CCNO: variants seen among roughly 807,000 people sequenced by gnomAD.
CCNO encodes the protein cyclin O, also known as cyclin-O.
Under a neutral mutation model 23.9 loss-of-function variants are expected in CCNO, and 24 were observed. That is an observed-to-expected ratio of 1.00 (90% CI 0.73 to 1.41). The LOEUF (loss-of-function observed/expected upper bound fraction) is 1.41. CCNO is among the 40% of genes most tolerant of loss of function. The pLI is 0.00. For missense variants in CCNO, 542 were observed against 476.2 expected (o/e 1.14, Z -1.29); for synonymous variants, 241 against 225.7 (o/e 1.07, Z -0.61).
chr5:55,232,208 A>G (rs963531199), intron 2 of CCNO, among the ~76,000 whole-genome samples, 153 bp downstream of exon 2: 1 of 152,236 alleles, frequency 6.6e-6, no homozygotes, highest in African/African-American at 2.4e-5. Flanking sequence ...AGTTAAGGCT[A>G]AGGGATATAT....
In CCNO at chr5:55,232,454, C is replaced by G; in HGVS notation, c.474G>C (p.Val158=). The change falls in exon 2 of 3, where the codon GTG becomes GTC. Residue 158 remains valine (V), a synonymous_variant. Transcript: ENST00000282572. ...GLSFESLCLT[V]NTLDRFLTTT... Reference sequence around the variant, plus strand: ...TGGTGAGGAAGCGGTCCAGAGTGTTCACCGTCAGGCACAGCGACTCGAAGG... The same window carrying G: ...TGGTGAGGAAGCGGTCCAGAGTGTTGACCGTCAGGCACAGCGACTCGAAGG... 6.2e-7 allele frequency: 1 copy of G among 1,614,032 alleles called. No homozygotes were observed. Among genetic ancestry groups the G allele is most frequent in the Non-Finnish European group, 8.5e-7 (1 of 1,180,036 alleles).
rs1306392531 is a variant in CCNO, at chr5:55,233,409, T to C, written c.115A>G (p.Arg39Gly). 1.2e-6 allele frequency: 2 copies of C among 1,609,334 alleles called. No homozygotes were observed. The highest frequency in any genetic ancestry group is 1.3e-5 in the African/African-American group (1 of 74,966). Reference sequence around the variant, plus strand: ...TTCAGGGGATGCAGCGGCTGCTTCCTCCGGAGGCGCGGACGCCTGCTCTTC... The same window carrying C: ...TTCAGGGGATGCAGCGGCTGCTTCCCCCGGAGGCGCGGACGCCTGCTCTTC... The part of the protein sequence containing the change: ...VKKSRRPRLR[R>G]KQPLHPLNPC... The change falls in exon 1 of 3, where the codon AGG becomes GGG. Residue 39 changes from arginine to glycine, a missense_variant. Arg to Gly is a moderately radical substitution (Grantham distance 125, BLOSUM62 -2). Transcript: ENST00000282572.
In CCNO at chr5:55,232,487, G is replaced by A. The variant is rs1745618255; in HGVS notation, c.441C>T (p.Phe147=). Residue 147 remains phenylalanine, a synonymous_variant, in exon 2 of 3, where the codon TTC becomes TTT. Transcript: ENST00000282572. ...GGCACAGCGACTCGAAGGAGAGGCC[G>A]AATTGGCGGTGCACCGGGATCAGCC... The part of the protein sequence containing the change: ...LSWLIPVHRQ[F]GLSFESLCLT... The A allele has an allele frequency of 6.2e-7, 1 of 1,613,924 alleles. No individual in the cohort carries two copies. Among genetic ancestry groups the A allele is most frequent in the Non-Finnish European group, 8.5e-7 (1 of 1,180,024 alleles).
At position 55,233,314 on chromosome 5, in the gene CCNO, G is replaced by A. The variant is rs373209105; in HGVS notation, c.210C>T (p.Gly70=). The A allele has an allele frequency of 3.4e-5, 54 of 1,598,028 alleles. No homozygotes were observed. The East Asian group carries it at 4.7e-4, about 14-fold the overall frequency. The change falls in exon 1 of 3, where the codon GGC becomes GGT. Residue 70 remains glycine (G), a synonymous_variant. Transcript: ENST00000282572. ...CCCGCGCCGCAGAGGGGCTCTCTGC[G>A]CCGTCTGAGCCGGAGCTGGGGGACT... ...LFESPSSGSD[G]AESPSAARGG...
Position 55,233,393 on chromosome 5 carries a change from T to C in CCNO, c.131A>G (p.His44Arg), listed in dbSNP as rs369888352. Residue 44 changes from histidine to arginine, a missense_variant, in exon 1 of 3, where the codon CAT becomes CGT. Transcript: ENST00000282572. The part of the protein sequence containing the change: ...RPRLRRKQPL[H>R]PLNPCPLPGD... The stretch of plus-strand genomic sequence containing the variant: ...CGGGAGCGGGCACGGGTTCAGGGGA[T>C]GCAGCGGCTGCTTCCTCCGGAGGCG... The C allele has an allele frequency of 2.5e-6, 4 of 1,610,342 alleles. No homozygotes were observed. In the African/African-American group the frequency reaches 5.3e-5, roughly 22 times the overall value.
chr5:55,231,439 G>C lies in CCNO; in HGVS notation c.989C>G (p.Ser330Cys), dbSNP rs750696117. 6.2e-7 allele frequency: 1 copy of C among 1,614,166 alleles called. No individual in the cohort carries two copies. The highest frequency in any genetic ancestry group is 1.1e-5 in the South Asian group (1 of 91,080). ...LQLLVAINST[S>C]LTHMLPVQIC... ...CTGAACGGGCAGCATGTGAGTCAAG[G>C]AAGTACTGTTTATGGCCACCAGCAG... Residue 330 changes from serine to cysteine, a missense_variant, in exon 3 of 3, where the codon TCC (serine) becomes TGC (cysteine). Coordinates refer to ENST00000282572, the MANE Select transcript of CCNO (RefSeq NM_021147.5).
intron 1 of CCNO, 168 bp from the exon 2 acceptor site, chr5:55,232,714 C>T: frequency 1.5e-6 from 1 of 665,878 alleles, no homozygotes; most frequent in Admixed American, 2.7e-5. Context: ...CGTGCTGAGC[C>T]GGAACACCGG....
Position 55,233,414 on chromosome 5 carries a change from A to C in CCNO, c.110T>G (p.Leu37Arg), listed in dbSNP as rs776989014. Residue 37 changes from leucine to arginine, a missense_variant, in exon 1 of 3, where the codon CTC (leucine) becomes CGC (arginine). Leu to Arg is a moderately radical substitution (Grantham distance 102). Transcript: ENST00000282572. Reference protein sequence around the residue: ...APVKKSRRPRLRRKQPLHPLN... With the variant: ...APVKKSRRPRRRRKQPLHPLN... ...GGGATGCAGCGGCTGCTTCCTCCGG[A>C]GGCGCGGACGCCTGCTCTTCTTCAC... 3.1e-6 allele frequency: 5 copies of C among 1,608,664 alleles called. No homozygotes were observed. Among genetic ancestry groups the C allele is most frequent in the Non-Finnish European group, 3.4e-6 (4 of 1,178,354 alleles).
chr5:55,231,635 C>T lies in CCNO; in HGVS notation c.793G>A (p.Val265Met), dbSNP rs748184190. Residue 265 changes from valine (V) to methionine (M), a missense_variant, in exon 3 of 3, where the codon GTG becomes ATG. Val to Met is a conservative substitution (Grantham distance 21). Coordinates refer to ENST00000282572, the MANE Select transcript of CCNO (RefSeq NM_021147.5). ...TAGTCGGCCAGACTCAGCTCTGCCA[C>T]CCCCCGCGCCAGGGCTTGCGCTTCC... is the stretch of plus-strand genomic sequence containing the variant. The part of the protein sequence containing the change: ...ALEAQALARG[V>M]AELSLADYAF... 1 of 1,600,194 alleles carries T rather than the reference C, an allele frequency of 6.2e-7. No homozygotes were observed. Among genetic ancestry groups the T allele is most frequent in the South Asian group, 1.1e-5 (1 of 89,648 alleles).
Position 55,231,219 on chromosome 5 carries a change from T to C in CCNO, c.*156A>G, listed in dbSNP as rs1745560766. ...CCTCATGTGCTCGCTGCAAAATAAA[T>C]AAAATACCAGATGCTAGTATCGTAC... On this transcript the variant is annotated 3_prime_UTR_variant, in exon 3 of 3. Transcript: ENST00000282572. The C allele has an allele frequency of 1.3e-6, 1 of 780,724 alleles. No individual in the cohort carries two copies. 48.4% of individuals were successfully genotyped at this position (780,724 alleles called of 1,614,324 possible).
rs569284647 is a variant in CCNO at position 55,233,591 on chromosome 5, G to C, written c.-68C>G. The stretch of plus-strand genomic sequence containing the variant: ...TGCGGCGGGCAGCAAACGCGCACTC[G>C]AAAGTGCGAAGGAGGCCGGGCTCAG... On this transcript the variant is annotated 5_prime_UTR_variant, in exon 1 of 3. Transcript: ENST00000282572. 2.3e-5 allele frequency: 33 copies of C among 1,420,724 alleles called. No individual in the cohort carries two copies. In the East Asian group the frequency reaches 7.4e-4, roughly 32 times the overall value. 88.0% of individuals were successfully genotyped at this position (1,420,724 alleles called of 1,614,324 possible). A position where few individuals can be genotyped will look rare whatever the true frequency, so the allele number is the denominator to read the frequency against.
At chr5:55,232,269 G>T (rs1347724883) in intron 2 of CCNO, 92 bp downstream of exon 2, 2 of 1,189,698 alleles carry the variant, frequency 1.7e-6, no homozygotes, top group Admixed American at 1.8e-5. Flanking sequence ...GCACTGAATC[G>T]TGCGCGCTGG....
In CCNO at chr5:55,231,350, A is replaced by G. The variant is rs1745564381; in HGVS notation, c.*25T>C. 4 of 1,610,682 alleles carry G rather than the reference A, an allele frequency of 2.5e-6. No individual in the cohort carries two copies. Among genetic ancestry groups the G allele is most frequent in the African/African-American group, 1.3e-5 (1 of 74,878 alleles). The stretch of plus-strand genomic sequence containing the variant: ...GAGAGGTCCAGCAGCCGGGCCAGGG[A>G]CTAAAAGGAAACGAAGGATCTGTTT... On this transcript the variant is annotated 3_prime_UTR_variant, in exon 3 of 3. Coordinates refer to ENST00000282572, the MANE Select transcript of CCNO (RefSeq NM_021147.5).
In CCNO at chr5:55,233,413, G is replaced by A. The variant is rs1745661763; in HGVS notation, c.111C>T (p.Leu37=). ...GGGGATGCAGCGGCTGCTTCCTCCG[G>A]AGGCGCGGACGCCTGCTCTTCTTCA... ...APVKKSRRPR[L]RRKQPLHPLN... The change falls in exon 1 of 3, where the codon CTC becomes CTT. Residue 37 remains leucine (L), a synonymous_variant. Coordinates refer to ENST00000282572, the MANE Select transcript of CCNO (RefSeq NM_021147.5). The A allele has an allele frequency of 1.2e-6, 2 of 1,609,090 alleles. No individual in the cohort carries two copies. The highest frequency in any genetic ancestry group is 1.7e-6 in the Non-Finnish European group (2 of 1,178,508).
chr5:55,231,702 G>A lies in CCNO; in HGVS notation c.726C>T (p.His242=). The change falls in exon 3 of 3, where the codon CAC becomes CAT. Residue 242 remains histidine (H), a synonymous_variant. Transcript: ENST00000282572. ...CAGCCTGCCCCGCCTCCACGCGAGC[G>A]TGCGTGAAATGCTCCAGGAAGAAGC... ...TISFFLEHFT[H]ARVEAGQAEA... The A allele has an allele frequency of 6.3e-7, 1 of 1,578,354 alleles. No homozygotes were observed. Among genetic ancestry groups the A allele is most frequent in the East Asian group, 2.3e-5 (1 of 43,158 alleles).
chr5:55,231,835 T>C lies in CCNO; in HGVS notation c.593A>G (p.Lys198Arg), dbSNP rs1166587639. 2.6e-6 allele frequency: 4 copies of C among 1,545,914 alleles called. No individual in the cohort carries two copies. The highest frequency in any genetic ancestry group is 1.4e-5 in the African/African-American group (1 of 73,214). ...GCCGCAGCAGAGGGCCAGAAGCTGC[T>C]TCACGCGCGGCGGGTGCACCTCCAC... The part of the protein sequence containing the change: ...KQVEVHPPRV[K>R]QLLALCCGAF... Residue 198 changes from lysine (K) to arginine (R), a missense_variant, in exon 3 of 3, where the codon AAG becomes AGG. Transcript: ENST00000282572.
At chr5:55,233,105 AGAGCGGCGGCGTG>A (rs1386553403) in intron 1 of CCNO, 25 bp downstream of exon 1, 2 of 1,524,902 alleles carry the variant, frequency 1.3e-6, no homozygotes, top group Non-Finnish European at 1.8e-6. Context: ...GAGGAGAGGA[AGAGCGGCGGCGTG>A]GAGCTGGCTC....
In CCNO at chr5:55,233,276, A is replaced by C; in HGVS notation, c.248T>G (p.Leu83Arg). ...SPSAARGGSP[L>R]PGPAQPVAQL... is the part of the protein sequence containing the mutation. ...CGCCACGGGCTGGGCCGGGCCGGGCAGGGGGCTACCACCCCGCGCCGCAGA... is the reference window on the plus strand; with the variant it reads ...CGCCACGGGCTGGGCCGGGCCGGGCCGGGGGCTACCACCCCGCGCCGCAGA... The change falls in exon 1 of 3, where the codon CTG becomes CGG. Residue 83 changes from leucine to arginine, a missense_variant. Coordinates refer to ENST00000282572, the MANE Select transcript of CCNO (RefSeq NM_021147.5). The C allele has an allele frequency of 6.3e-7, 1 of 1,591,520 alleles. No homozygotes were observed. The highest frequency in any genetic ancestry group is 8.5e-7 in the Non-Finnish European group (1 of 1,171,216).
In CCNO at chr5:55,232,407, C is replaced by T; in HGVS notation, c.521G>A (p.Cys174Tyr). ...GGAGGTGACCCCAAGCAGCTGGAAG[C>T]AGTCTGCAGCCACCGGCGTGGTGGT... ...FLTTTPVAAD[C>Y]FQLLGVTSLL... The change falls in exon 2 of 3, where the codon TGC (cysteine) becomes TAC (tyrosine). Residue 174 changes from cysteine (C) to tyrosine (Y), a missense_variant. Physicochemically the swap from Cys to Tyr is radical, Grantham distance 194. Transcript: ENST00000282572. 1 of 1,613,980 alleles carries T rather than the reference C, an allele frequency of 6.2e-7. No homozygotes were observed. The highest frequency in any genetic ancestry group is 8.5e-7 in the Non-Finnish European group (1 of 1,180,026).
Sources: allele counts gnomAD v4.1 joint callset (sites outside exome capture counted in the v4.1 genomes callset), GRCh38; gene constraint gnomAD v4.1.1; transcripts MANE v1.5; gene names NCBI Gene and HGNC (gene_info 2026-07-23, HGNC 2026-07-21).